PRKCA: variants seen among roughly 807,000 people sequenced by gnomAD.
PRKCA encodes the protein protein kinase C alpha, also known as protein kinase C alpha type.
A neutral mutation model predicts 87.0 loss-of-function variants in PRKCA; 27 were observed. That is an observed-to-expected ratio of 0.31 (90% confidence interval 0.23 to 0.43). The LOEUF (loss-of-function observed/expected upper bound fraction) is 0.43, where lower values mean the gene tolerates loss of function less well. Among genes scored for constraint, PRKCA ranks in the 20% least tolerant of loss-of-function variants. The pLI, the probability that PRKCA is intolerant of heterozygous loss-of-function variation, is 1.00. For synonymous variants in PRKCA, 329 were observed against 311.1 expected, an observed-to-expected ratio of 1.06 and a Z score of -0.61; for missense variants, 518 against 852.3, an observed-to-expected ratio of 0.61 and a Z score of 4.88.
At chr17:66,341,504 T>A (rs1907043156) in intron 2 of PRKCA, among the ~76,000 whole-genome samples, 1 of 152,256 alleles carries the variant, frequency 6.6e-6, no homozygotes, top group Admixed American at 6.5e-5. Flanking sequence ...TAGGGAGCTG[T>A]GCCTTGCACT....
At chr17:66,778,441 G>C (rs971222420) in intron 14 of PRKCA, among the ~76,000 whole-genome samples, 1 of 152,158 alleles carries the variant, frequency 6.6e-6, no homozygotes, top group African/African-American at 2.4e-5. Flanking sequence ...GCGTGAACCC[G>C]GGAGGCGGAG....
intron 2 of PRKCA, among the ~76,000 whole-genome samples, chr17:66,437,735 C>CTTTTTTTTTTTT: frequency 1.8e-4 from 1 of 5,588 alleles, no homozygotes. Flanking sequence ...TTTTTTTGAG[C>CTTTTTTTTTTTT]GGGGGGTGGG....
Position 66,467,564 on chromosome 17 carries a change from A to G in PRKCA, c.206-28637A>G, listed in dbSNP as rs552411085. 2.6e-5 allele frequency among the ~76,000 whole-genome samples: 4 copies of G among 152,192 alleles called. No homozygotes were observed. In the South Asian group the frequency reaches 8.3e-4, roughly 32 times the overall value. The stretch of plus-strand genomic sequence containing the variant: ...AATTAGAATGAAATTTTGTTTGTAC[A>G]TTTTTGTTTGTTTTTGACAGTCTCA... On this transcript the variant is annotated intron_variant, in intron 2 of 16. Transcript: ENST00000413366.
chr17:66,466,619 T>G (rs1047203766), intron 2 of PRKCA, among the ~76,000 whole-genome samples: 5 of 152,048 alleles, frequency 3.3e-5, no homozygotes, highest in Non-Finnish European at 7.4e-5. Flanking sequence ...AAAGATGGAG[T>G]CTGTGCTGTT....
At chr17:66,400,665 G>A (rs1169715992) in intron 2 of PRKCA, among the ~76,000 whole-genome samples, 2 of 152,122 alleles carry the variant, frequency 1.3e-5, no homozygotes, top group African/African-American at 2.4e-5. Flanking sequence ...ATTACATGAT[G>A]GTTCTATTTA....
chr17:66,765,420 A>ATCTATGTC (rs1229163447), intron 13 of PRKCA, among the ~76,000 whole-genome samples: 27 of 107,736 alleles, frequency 2.5e-4, no homozygotes, highest in Admixed American at 2.3e-3. Flanking sequence ...GACTTTGTCT[A>ATCTATGTC]TATATATATA....
intron 5 of PRKCA, among the ~76,000 whole-genome samples, chr17:66,683,488 C>T (rs1200259828): frequency 6.6e-6 from 1 of 152,102 alleles, no homozygotes; most frequent in African/African-American, 2.4e-5. Flanking sequence ...AGGTGGGGCC[C>T]AGGGATCAGT....
At chr17:66,699,877 A>G (rs187097393) in intron 8 of PRKCA, among the ~76,000 whole-genome samples, 25 of 152,366 alleles carry the variant, frequency 1.6e-4, no homozygotes, top group Admixed American at 1.6e-3. Context: ...TCTACCAAAC[A>G]TTTAAATAAG....
intron 2 of PRKCA, among the ~76,000 whole-genome samples, chr17:66,478,328 C>T (rs1915622625): frequency 6.6e-6 from 1 of 152,136 alleles, no homozygotes; most frequent in Non-Finnish European, 1.5e-5. Context: ...AATCGCAGCT[C>T]ACCGCAATCT....
intron 14 of PRKCA, chr17:66,775,166 T>TA (rs1568026609): frequency 1.0e-6 from 1 of 983,434 alleles, no homozygotes; most frequent in African/African-American, 1.8e-5. Flanking sequence ...AATGACCCTG[T>TA]GGTCAGTGCC....
chr17:66,651,772 AG>A (rs1200283108), intron 5 of PRKCA, among the ~76,000 whole-genome samples: 55 of 152,184 alleles, frequency 3.6e-4, no homozygotes, highest in Admixed American at 2.8e-3. Flanking sequence ...GGGCACCCAG[AG>A]TGTCCACTGT....
intron 3 of PRKCA, among the ~76,000 whole-genome samples, chr17:66,602,920 T>C (rs1384095471): frequency 1.3e-5 from 2 of 152,128 alleles, no homozygotes; most frequent in Non-Finnish European, 2.9e-5. Context: ...GGGGATTCAG[T>C]CTGTGAGGCG....
At chr17:66,347,411 G>A (rs1425956905) in intron 2 of PRKCA, among the ~76,000 whole-genome samples, 2 of 152,162 alleles carry the variant, frequency 1.3e-5, no homozygotes, top group Non-Finnish European at 2.9e-5. Context: ...CACGTAACTG[G>A]AGATATTCTT....
intron 13 of PRKCA, among the ~76,000 whole-genome samples, chr17:66,762,002 G>A (rs1459388571): frequency 6.6e-6 from 1 of 152,080 alleles, no homozygotes; most frequent in East Asian, 1.9e-4. Flanking sequence ...TGCTGCTCCA[G>A]TAAAAAATCA....
chr17:66,757,770 G>A (rs1974587662), intron 13 of PRKCA, among the ~76,000 whole-genome samples: 1 of 152,112 alleles, frequency 6.6e-6, no homozygotes, highest in Admixed American at 6.5e-5. Context: ...TGTCCCCCAG[G>A]CTGGAGTGCA....
At chr17:66,503,159 G>A (rs765620656) in intron 3 of PRKCA, among the ~76,000 whole-genome samples, 6 of 152,186 alleles carry the variant, frequency 3.9e-5, no homozygotes, top group Non-Finnish European at 8.8e-5. Context: ...GGCTTCAAGC[G>A]TCTGGAGGTA....
rs141719102 is a variant in PRKCA at position 66,429,097 on chromosome 17, G to A, written c.206-67104G>A. 9.5e-3 allele frequency among the ~76,000 whole-genome samples: 1,439 copies of A among 152,180 alleles called. 14 individuals are homozygous for A. The highest frequency in any genetic ancestry group is 0.041 in the Middle Eastern group (12 of 294). ...GGTAGTTTTTCACGCTCTTCCGCCA[G>A]ATCCAAACTTCTTGAGAGTGTGGAC... is the stretch of plus-strand genomic sequence containing the variant. On this transcript the variant is annotated intron_variant, in intron 2 of 16. Coordinates refer to ENST00000413366, the MANE Select transcript of PRKCA (RefSeq NM_002737.3).
At chr17:66,471,645 A>ATTTTT (rs554913573) in intron 2 of PRKCA, among the ~76,000 whole-genome samples, 3 of 137,884 alleles carry the variant, frequency 2.2e-5, no homozygotes, top group African/African-American at 8.0e-5. Context: ...CTGTTTTCTA[A>ATTTTT]TTTTTTTTTT....
At chr17:66,404,133 C>G (rs565673587) in intron 2 of PRKCA, 19 of 152,302 alleles carry the variant, frequency 1.2e-4, no homozygotes, top group Admixed American at 3.9e-4. Context: ...CCTTAGCTCC[C>G]CAATCTCTGT....
Sources: gnomAD v4.1 joint callset for allele counts (sites outside exome capture counted in the v4.1 genomes callset) on GRCh38, gnomAD v4.1.1 for gene constraint, MANE v1.5 for transcripts, NCBI Gene and HGNC (gene_info 2026-07-23, HGNC 2026-07-21) for gene names.